The following NWD2 variants were observed in gnomAD, a reference collection of about 807,000 sequenced individuals.
NWD2 encodes NACHT and WD repeat domain containing 2.
Under a neutral mutation model 132.7 loss-of-function variants are expected in NWD2, and 37 were observed. The ratio of observed to expected loss-of-function variants is 0.28; its 90% CI spans 0.21 to 0.37. The LOEUF (loss-of-function observed/expected upper bound fraction) is 0.37. Ranked by LOEUF, NWD2 falls within the 10% of genes least tolerant of loss-of-function variation. The pLI is 1.00. For synonymous variants in NWD2, 705 were observed against 803.0 expected (o/e 0.88, Z 2.06); for missense variants, 1,592 against 2,122.4 (o/e 0.75, Z 4.91).
chr4:37,322,037 T>C (rs1719079393), intron 1 of NWD2, among the ~76,000 whole-genome samples: 1 of 152,178 alleles, frequency 6.6e-6, no homozygotes, highest in Non-Finnish European at 1.5e-5. Context: ...ACCCATCGAA[T>C]GATGAATTAC....
At chr4:37,344,290 G>A (rs188345216) in intron 2 of NWD2, among the ~76,000 whole-genome samples, 1 of 152,278 alleles carries the variant, frequency 6.6e-6, no homozygotes, top group East Asian at 1.9e-4. Flanking sequence ...TATTGCGTGA[G>A]TTGGCTGTTT....
At chr4:37,269,543 A>G (rs1212660979) in intron 1 of NWD2, among the ~76,000 whole-genome samples, 2 of 151,834 alleles carry the variant, frequency 1.3e-5, no homozygotes, top group Non-Finnish European at 2.9e-5. Flanking sequence ...ACCACTCCTG[A>G]TTTCTCTCAC....
intron 1 of NWD2, among the ~76,000 whole-genome samples, chr4:37,272,416 G>A (rs1717890929): frequency 6.6e-6 from 1 of 151,656 alleles, no homozygotes. Context: ...AGCCACCTGG[G>A]CTGCAGTTTT....
intron 1 of NWD2, among the ~76,000 whole-genome samples, chr4:37,316,889 T>C (rs1030919498): frequency 2.0e-5 from 3 of 152,176 alleles, no homozygotes; most frequent in Non-Finnish European, 2.9e-5. Flanking sequence ...GAGTGATGTT[T>C]TTTAGTTTGT....
chr4:37,274,972 C>T (rs1717974876), intron 1 of NWD2, among the ~76,000 whole-genome samples: 1 of 151,938 alleles, frequency 6.6e-6, no homozygotes. Flanking sequence ...CAGCCAATAT[C>T]ATACTGAATG....
chr4:37,412,593 G>T (rs1020627028), intron 3 of NWD2, among the ~76,000 whole-genome samples: 2 of 152,134 alleles, frequency 1.3e-5, no homozygotes, highest in South Asian at 2.1e-4. Flanking sequence ...TCCCCATCAA[G>T]CTACCATGGA....
intron 3 of NWD2, among the ~76,000 whole-genome samples, chr4:37,376,034 C>T (rs553597350): frequency 3.4e-4 from 52 of 152,154 alleles, no homozygotes; most frequent in African/African-American, 1.3e-3. Context: ...TAAACATTCC[C>T]TTTTTTTAGA....
At chr4:37,374,029 T>G (rs868037775) in intron 3 of NWD2, among the ~76,000 whole-genome samples, 1 of 152,152 alleles carries the variant, frequency 6.6e-6, no homozygotes, top group Non-Finnish European at 1.5e-5. Context: ...TGATATAGTT[T>G]GGATGTTTGT....
intron 3 of NWD2, among the ~76,000 whole-genome samples, chr4:37,408,955 AAACT>A (rs1471236779): frequency 6.6e-6 from 1 of 152,192 alleles, no homozygotes; most frequent in Non-Finnish European, 1.5e-5. Context: ...GTCAGAAGGA[AAACT>A]AACAAACAGG....
At chr4:37,374,866 A>C (rs1402741134) in intron 3 of NWD2, among the ~76,000 whole-genome samples, 1 of 152,228 alleles carries the variant, frequency 6.6e-6, no homozygotes, top group African/African-American at 2.4e-5. Context: ...TTATGAGAAA[A>C]TACTCTGTAA....
At chr4:37,374,040 C>T (rs1720288990) in intron 3 of NWD2, among the ~76,000 whole-genome samples, 2 of 152,130 alleles carry the variant, frequency 1.3e-5, no homozygotes, top group Admixed American at 6.5e-5. Context: ...GGATGTTTGT[C>T]CCCTCTGAAT....
chr4:37,348,254 T>G (rs1719676656), intron 2 of NWD2, among the ~76,000 whole-genome samples: 1 of 152,212 alleles, frequency 6.6e-6, no homozygotes, highest in Non-Finnish European at 1.5e-5. Context: ...AATATTCAAC[T>G]GTTAACAAGT....
At chr4:37,430,111 T>C (rs528693943) in intron 3 of NWD2, among the ~76,000 whole-genome samples, 1 of 152,218 alleles carries the variant, frequency 6.6e-6, no homozygotes, top group Non-Finnish European at 1.5e-5. Flanking sequence ...TCACATTCAG[T>C]GATGTCATAC....
intron 1 of NWD2, among the ~76,000 whole-genome samples, chr4:37,304,066 A>G (rs1560389764): frequency 2.0e-5 from 3 of 152,168 alleles, no homozygotes; most frequent in Non-Finnish European, 4.4e-5. Context: ...TAAAGGAAAA[A>G]GTTTTAAGTG....
chr4:37,305,134 G>A (rs538990125), intron 1 of NWD2, among the ~76,000 whole-genome samples: 17 of 152,344 alleles, frequency 1.1e-4, no homozygotes, highest in Middle Eastern at 3.4e-3. Context: ...GTGAAGCCAC[G>A]GCCTGAGCTC....
At chr4:37,303,128 G>A (rs1239809992) in intron 1 of NWD2, among the ~76,000 whole-genome samples, 2 of 152,122 alleles carry the variant, frequency 1.3e-5, no homozygotes, top group African/African-American at 2.4e-5. Context: ...TTTGTATATA[G>A]TGAGAGATGT....
chr4:37,339,055 C>A (rs1417423930), intron 2 of NWD2, among the ~76,000 whole-genome samples: 1 of 152,154 alleles, frequency 6.6e-6, no homozygotes, highest in East Asian at 1.9e-4. Flanking sequence ...TGTTTAGTCA[C>A]ACATCATTTC....
At chr4:37,327,186 G>A (rs1221415290) in intron 2 of NWD2, among the ~76,000 whole-genome samples, 1 of 152,134 alleles carries the variant, frequency 6.6e-6, no homozygotes, top group Non-Finnish European at 1.5e-5. Flanking sequence ...AGTTACCATA[G>A]AGGAAGAAAT....
At chr4:37,304,893 C>T (rs1195160467) in intron 1 of NWD2, among the ~76,000 whole-genome samples, 2 of 152,188 alleles carry the variant, frequency 1.3e-5, no homozygotes, top group African/African-American at 4.8e-5. Flanking sequence ...GGCAGTGCCC[C>T]GGCACGGACA....
Sources: gnomAD v4.1 joint callset for allele counts (sites outside exome capture counted in the v4.1 genomes callset) on GRCh38, gnomAD v4.1.1 for gene constraint, MANE v1.5 for transcripts, NCBI Gene and HGNC (gene_info 2026-07-23, HGNC 2026-07-21) for gene names.